HSD17B12: variants seen among roughly 807,000 people sequenced by gnomAD.
HSD17B12 encodes hydroxysteroid 17-beta dehydrogenase 12.
A neutral mutation model predicts 39.3 loss-of-function variants in HSD17B12; 32 were observed. The ratio of observed to expected loss-of-function variants is 0.81; its 90% CI spans 0.61 to 1.09. HSD17B12 has a LOEUF of 1.09. Ranked by LOEUF, HSD17B12 falls within the 50% of genes least tolerant of loss-of-function variation. HSD17B12 has a pLI of 0.00. For missense variants in HSD17B12, 342 were observed against 382.9 expected, an observed-to-expected ratio of 0.89 and a Z score of 0.89; for synonymous variants, 150 against 146.7, an observed-to-expected ratio of 1.02 and a Z score of -0.16.
At chr11:43,725,922 T>C (rs1045922405) in intron 1 of HSD17B12, among the ~76,000 whole-genome samples, 1 of 152,182 alleles carries the variant, frequency 6.6e-6, no homozygotes, top group African/African-American at 2.4e-5. Context: ...TTGGCAACAG[T>C]GCTTTGTTAA....
chr11:43,678,272 A>T (rs1164402973), upstream of HSD17B12, among the ~76,000 whole-genome samples: 1 of 151,928 alleles, frequency 6.6e-6, no homozygotes, highest in Non-Finnish European at 1.5e-5. Context: ...CCACTTGTTG[A>T]TGGGGTTGTT....
chr11:43,610,107 C>T, the HSD17B12 span, among the ~76,000 whole-genome samples: 3 of 152,112 alleles, frequency 2.0e-5, no homozygotes, highest in African/African-American at 7.2e-5. Context: ...TAAAGGATTT[C>T]TTTCTGAATG....
chr11:43,741,853 C>A (rs1401279221), intron 1 of HSD17B12, among the ~76,000 whole-genome samples: 1 of 150,090 alleles, frequency 6.7e-6, no homozygotes, highest in African/African-American at 2.4e-5. Flanking sequence ...CCTGCCTCAG[C>A]CTCCCAAGCA....
chr11:43,675,054 G>A, the HSD17B12 span, among the ~76,000 whole-genome samples: 641 of 152,118 alleles, frequency 4.2e-3, 1 homozygote, highest in Non-Finnish European at 7.9e-3. Context: ...GGTATTTATT[G>A]CATACCAAGT....
upstream of HSD17B12, among the ~76,000 whole-genome samples, chr11:43,680,346 A>G (rs1949728587): frequency 6.6e-6 from 1 of 152,192 alleles, no homozygotes; most frequent in Non-Finnish European, 1.5e-5. Flanking sequence ...TGCTGGGATT[A>G]CAGGTGTTAG....
the HSD17B12 span, among the ~76,000 whole-genome samples, chr11:43,656,062 A>G: frequency 6.6e-6 from 1 of 152,056 alleles, no homozygotes; most frequent in Non-Finnish European, 1.5e-5. Context: ...GTAAGCTATT[A>G]ATTATTGCCT....
At chr11:43,832,284 G>A (rs1951318919) in intron 7 of HSD17B12, among the ~76,000 whole-genome samples, 1 of 152,124 alleles carries the variant, frequency 6.6e-6, no homozygotes, top group African/African-American at 2.4e-5. Context: ...TTTGACATCT[G>A]CAGGTAACAT....
At chr11:43,794,144 G>A (rs1950894811) in intron 3 of HSD17B12, among the ~76,000 whole-genome samples, 1 of 152,144 alleles carries the variant, frequency 6.6e-6, no homozygotes, top group Non-Finnish European at 1.5e-5. Context: ...AAATAAAGTT[G>A]GGATGGGTCA....
chr11:43,833,794 C>T (rs1390746544), intron 7 of HSD17B12: 2 of 152,150 alleles, frequency 1.3e-5, no homozygotes, highest in African/African-American at 4.8e-5. Context: ...ATTTTCCAAA[C>T]CCTCTAGAAC....
At chr11:43,612,311 C>T in the HSD17B12 span, among the ~76,000 whole-genome samples, 28 of 152,050 alleles carry the variant, frequency 1.8e-4, no homozygotes, top group Non-Finnish European at 5.9e-5. Flanking sequence ...ATCCACAGAG[C>T]GGGTACTTAG....
the HSD17B12 span, among the ~76,000 whole-genome samples, chr11:43,595,919 A>G: frequency 6.6e-6 from 1 of 152,132 alleles, no homozygotes; most frequent in African/African-American, 2.4e-5. Flanking sequence ...GGTGTTTGCA[A>G]GTTGGCCTGA....
At chr11:43,752,650 G>T (rs2134944820) in intron 2 of HSD17B12, among the ~76,000 whole-genome samples, 1 of 151,682 alleles carries the variant, frequency 6.6e-6, no homozygotes, top group Non-Finnish European at 1.5e-5. Context: ...GGAGGTGGAG[G>T]TTGCAGTGAG....
chr11:43,778,082 C>T (rs1406806041), intron 3 of HSD17B12, among the ~76,000 whole-genome samples: 3 of 151,800 alleles, frequency 2.0e-5, no homozygotes, highest in Non-Finnish European at 4.4e-5. Flanking sequence ...ATTGATAAAC[C>T]GCTAGCAAGA....
At chr11:43,613,927 A>G in the HSD17B12 span, among the ~76,000 whole-genome samples, 1 of 152,194 alleles carries the variant, frequency 6.6e-6, no homozygotes, top group African/African-American at 2.4e-5. Flanking sequence ...TCGGCCTCCC[A>G]AAGTTCTGGG....
chr11:43,823,916 T>A lies in HSD17B12; in HGVS notation c.502-7060T>A, dbSNP rs183514694. Among the ~76,000 whole-genome samples, 2 of 152,302 alleles carry A rather than the reference T, an allele frequency of 1.3e-5. 1 individual carries two copies. The highest frequency in any genetic ancestry group is 3.9e-4 in the East Asian group (2 of 5,180). ...GTGAGAATGTCCTAATCTTTGAATC[T>A]GCCAGAAGTGGAAGAGGCGGAAGGT... is the stretch of plus-strand genomic sequence containing the variant. On this transcript the variant is annotated intron_variant, in intron 6 of 10. Transcript: ENST00000278353.
At chr11:43,792,622 G>C (rs750387981) in intron 3 of HSD17B12, among the ~76,000 whole-genome samples, 9 of 149,700 alleles carry the variant, frequency 6.0e-5, no homozygotes, top group African/African-American at 9.8e-5. Context: ...ATTTATATGA[G>C]AATGATAGTC....
chr11:43,688,414 C>T (rs1487797311), intron 1 of HSD17B12, among the ~76,000 whole-genome samples: 1 of 152,078 alleles, frequency 6.6e-6, no homozygotes, highest in Non-Finnish European at 1.5e-5. Flanking sequence ...TAGGTTATTG[C>T]GTTGTCATGG....
At chr11:43,788,658 C>A (rs1590301137) in intron 3 of HSD17B12, among the ~76,000 whole-genome samples, 1 of 134,524 alleles carries the variant, frequency 7.4e-6, no homozygotes, top group African/African-American at 2.8e-5. Context: ...TGTGTATCTT[C>A]TACTCTGCCA....
chr11:43,656,079 C>T, the HSD17B12 span, among the ~76,000 whole-genome samples: 1 of 152,178 alleles, frequency 6.6e-6, no homozygotes, highest in East Asian at 1.9e-4. Context: ...GCCTCAATTT[C>T]AGAGCCTGTT....
Sources: gnomAD v4.1 joint callset for allele counts (sites outside exome capture counted in the v4.1 genomes callset) on GRCh38, gnomAD v4.1.1 for gene constraint, MANE v1.5 for transcripts, NCBI Gene and HGNC (gene_info 2026-07-23, HGNC 2026-07-21) for gene names.